Variants in GTF2E2 observed in about 807,000 individuals in gnomAD.
GTF2E2 encodes the protein general transcription factor IIE subunit 2.
Under a neutral mutation model 40.5 loss-of-function variants are expected in GTF2E2, and 21 were observed. The ratio of observed to expected loss-of-function variants is 0.52; its 90% CI spans 0.37 to 0.75. GTF2E2 has a LOEUF of 0.75. Ranked by LOEUF, GTF2E2 falls within the 30% of genes least tolerant of loss-of-function variation. The pLI is 0.00. For missense variants in GTF2E2, 298 were observed against 338.4 expected (o/e 0.88, Z 0.94); for synonymous variants, 117 against 121.6 (o/e 0.96, Z 0.25).
intron 2 of GTF2E2, among the ~76,000 whole-genome samples, chr8:30,642,820 A>C (rs556911881): frequency 3.0e-4 from 46 of 152,264 alleles, no homozygotes; most frequent in Non-Finnish European, 5.7e-4. Context: ...AATGGATACA[A>C]GTTAAACCTC....
intron 6 of GTF2E2, among the ~76,000 whole-genome samples, chr8:30,606,643 C>G (rs1052556891): frequency 6.6e-6 from 1 of 152,158 alleles, no homozygotes; most frequent in Non-Finnish European, 1.5e-5. Context: ...CATCTCCTTC[C>G]TTATTCAATT....
In GTF2E2 at chr8:30,578,949, T is replaced by C; in HGVS notation, c.848A>G (p.Asp283Gly). ...TTTGCTGGAAGTAATGTCAGAGTAA[T>C]CCTTCAGCACTCCAGCCAAGTGTTC... ...HNEHLAGVLK[D>G]YSDITSSK is the part of the protein sequence containing the mutation. Residue 283 changes from aspartate (D) to glycine (G), a missense_variant, in exon 8 of 8, where the codon GAT becomes GGT. Physicochemically the swap from Asp to Gly is moderately conservative, Grantham distance 94 (BLOSUM62 -1). Transcript: ENST00000355904. The C allele has an allele frequency of 6.3e-7, 1 of 1,593,272 alleles. No homozygotes were observed. The highest frequency in any genetic ancestry group is 8.6e-7 in the Non-Finnish European group (1 of 1,161,000).
In GTF2E2 at chr8:30,606,291, C is replaced by T. The variant is rs16877216; in HGVS notation, c.643+766G>A. Among the ~76,000 whole-genome samples, 926 of 152,318 alleles carry T rather than the reference C, an allele frequency of 6.1e-3. 8 individuals are homozygous for T. The highest frequency in any genetic ancestry group is 0.021 in the African/African-American group (869 of 41,570). ...AAGTTCAGGGAAACTAAAGCCCTAT[C>T]TACCAGAACCACAAGCCTGGATATC... On this transcript the variant is annotated intron_variant, in intron 6 of 7. Transcript: ENST00000355904.
chr8:30,645,485 T>C (rs1802035419), intron 2 of GTF2E2: 1 of 1,535,584 alleles, frequency 6.5e-7, no homozygotes, highest in Non-Finnish European at 8.7e-7. Flanking sequence ...TATGAAGTGC[T>C]TGACTGCTGC....
At position 30,594,016 on chromosome 8, in the gene GTF2E2, C is replaced by T. The variant is rs193136174; in HGVS notation, c.643+13041G>A. ...AGCAATCTTGGCTCACTGCAGCCTC[C>T]GCCTCTTGGGATCAAGACATTCTCC... On this transcript the variant is annotated intron_variant, in intron 6 of 7. Transcript: ENST00000355904. 1.6e-3 allele frequency among the ~76,000 whole-genome samples: 242 copies of T among 152,050 alleles called. 1 individual carries two copies. The highest frequency in any genetic ancestry group is 2.0e-3 in the Non-Finnish European group (133 of 67,978).
intron 3 of GTF2E2, among the ~76,000 whole-genome samples, chr8:30,620,654 G>A (rs1801066462): frequency 6.6e-6 from 1 of 151,902 alleles, no homozygotes; most frequent in Non-Finnish European, 1.5e-5. Context: ...GCTGGGCACG[G>A]TGGCTCACGT....
chr8:30,580,445 T>C (rs894423866), intron 6 of GTF2E2, 49 bp from the exon 7 acceptor site: 2 of 1,027,620 alleles, frequency 1.9e-6, no homozygotes, highest in South Asian at 1.3e-5. Context: ...TTACAAACTA[T>C]AGCATCTTGA....
intron 5 of GTF2E2, among the ~76,000 whole-genome samples, chr8:30,609,554 G>A (rs1227910128): frequency 4.6e-5 from 7 of 152,080 alleles, no homozygotes; most frequent in Admixed American, 3.3e-4. Flanking sequence ...ATACAGTTAC[G>A]ATGGCAATAC....
chr8:30,605,901 T>C (rs899366577), intron 6 of GTF2E2, among the ~76,000 whole-genome samples: 1 of 152,180 alleles, frequency 6.6e-6, no homozygotes, highest in African/African-American at 2.4e-5. Context: ...CCTGAAGCGA[T>C]CCTCCCACCT....
chr8:30,614,698 T>C lies in GTF2E2; in HGVS notation c.276A>G (p.Gly92=). The C allele has an allele frequency of 2.5e-6, 4 of 1,599,536 alleles. No homozygotes were observed. Among genetic ancestry groups the C allele is most frequent in the Non-Finnish European group, 3.4e-6 (4 of 1,167,830 alleles). The change falls in exon 4 of 8, where the codon GGA becomes GGG. Residue 92 remains glycine (G), a synonymous_variant. Transcript: ENST00000355904. Reference sequence around the variant, plus strand: ...CATCTAAGGTTAGAGGATGCGTATCTCCTCGCTGATGCCGTGTCTATCAAG... The same window carrying C: ...CATCTAAGGTTAGAGGATGCGTATCCCCTCGCTGATGCCGTGTCTATCAAG... ...VNYMKTRHQR[G]DTHPLTLDEI...
intron 6 of GTF2E2, among the ~76,000 whole-genome samples, chr8:30,602,754 CAA>C (rs35330702): frequency 4.3e-5 from 4 of 92,022 alleles, no homozygotes; most frequent in Non-Finnish European, 6.1e-5. Context: ...AACTCCGTCT[CAA>C]AAAAAAAAAA....
At chr8:30,580,195 C>A in intron 7 of GTF2E2, 86 bp downstream of exon 7, 1 of 759,134 alleles carries the variant, frequency 1.3e-6, no homozygotes, top group South Asian at 1.6e-5. Context: ...GGGGGAACAA[C>A]TCCCAGCTCT....
intron 6 of GTF2E2, among the ~76,000 whole-genome samples, chr8:30,597,895 C>T (rs1314470301): frequency 6.6e-6 from 1 of 152,184 alleles, no homozygotes; most frequent in African/African-American, 2.4e-5. Context: ...ACAAAAATAT[C>T]TCTGTAATCC....
chr8:30,650,639 T>G (rs961306603), intron 2 of GTF2E2, among the ~76,000 whole-genome samples: 10 of 151,904 alleles, frequency 6.6e-5, no homozygotes, highest in Admixed American at 6.6e-4. Flanking sequence ...GAGGCTGCAG[T>G]GAGCCATGAT....
chr8:30,599,987 A>ATT (rs1829130210), intron 6 of GTF2E2, among the ~76,000 whole-genome samples: 1 of 152,192 alleles, frequency 6.6e-6, no homozygotes, highest in South Asian at 2.1e-4. Flanking sequence ...GTCTCAAAAA[A>ATT]TAAATAAATA....
chr8:30,606,224 A>G (rs2979530), intron 6 of GTF2E2, among the ~76,000 whole-genome samples: 123,151 of 152,150 alleles, frequency 0.81, 50,669 homozygotes, highest in African/African-American at 0.93. Context: ...TACATGTAAG[A>G]TACTCAATTG....
At chr8:30,614,841 T>C in intron 3 of GTF2E2, 126 bp from the exon 4 acceptor site, 1 of 606,588 alleles carries the variant, frequency 1.6e-6, no homozygotes. Context: ...ATAATTATAG[T>C]GACGAAGAGC....
rs1214550676 is a variant in GTF2E2 at position 30,655,361 on chromosome 8, CCT to C, written c.-4-1761_-4-1760del. On this transcript the variant is annotated intron_variant, in intron 1 of 7. Transcript: ENST00000355904. ...TCAACCAACAAGAATTCTAAACACA[CCT>C]CTCTTCTGAACTCTGCTAGAACCCT... Among the ~76,000 whole-genome samples the C allele has an allele frequency of 2.6e-5, 4 of 152,282 alleles. No homozygotes were observed. The East Asian group carries it at 7.7e-4, about 29-fold the overall frequency.
chr8:30,602,731 G>A (rs1829216803), intron 6 of GTF2E2, among the ~76,000 whole-genome samples: 3 of 134,220 alleles, frequency 2.2e-5, no homozygotes, highest in South Asian at 5.6e-4. Flanking sequence ...TCCAGCCTGG[G>A]CAACAAGAGC....
Sources: gnomAD v4.1 joint callset for allele counts (sites outside exome capture counted in the v4.1 genomes callset) on GRCh38, gnomAD v4.1.1 for gene constraint, MANE v1.5 for transcripts, NCBI Gene and HGNC (gene_info 2026-07-23, HGNC 2026-07-21) for gene names.